The following ZC4H2 variants were observed in gnomAD, a reference collection of about 807,000 sequenced individuals.
ZC4H2 encodes zinc finger C4H2-type containing, also known as zinc finger C4H2 domain-containing protein.
For missense variants in ZC4H2, 137 were observed against 173.9 expected (o/e 0.79, Z 1.19); for synonymous variants, 84 against 66.3 (o/e 1.27, Z -1.30).
At chrX:64,957,814 A>C (rs1931215328) in intron 1 of ZC4H2, among the ~76,000 whole-genome samples, 2 of 110,959 alleles carry the variant, frequency 1.8e-5, no homozygotes, top group Admixed American at 1.9e-4. Context: ...ATGAGCCATG[A>C]TCATGCCCCT....
chrX:64,931,642 C>A (rs1929749001), intron 1 of ZC4H2, among the ~76,000 whole-genome samples: 1 of 111,394 alleles, frequency 9.0e-6, no homozygotes, highest in Non-Finnish European at 1.9e-5. Flanking sequence ...TACTTACTTT[C>A]CATGTATTTC....
chrX:64,939,996 A>T (rs1930194820), intron 1 of ZC4H2, among the ~76,000 whole-genome samples: 1 of 111,373 alleles, frequency 9.0e-6, no homozygotes, highest in South Asian at 3.8e-4. Flanking sequence ...GGAACAGGCA[A>T]CCTAAAGAAT....
chrX:64,968,662 T>C (rs1490613842), intron 1 of ZC4H2, among the ~76,000 whole-genome samples: 1 of 111,471 alleles, frequency 9.0e-6, no homozygotes, highest in Admixed American at 9.6e-5. Context: ...GCACAGCTAG[T>C]ATGACTCGTG....
At chrX:64,934,859 G>T (rs1358884383) in intron 1 of ZC4H2, among the ~76,000 whole-genome samples, 1 of 111,609 alleles carries the variant, frequency 9.0e-6, no homozygotes, top group African/African-American at 3.3e-5. Context: ...CCCCTTCGGT[G>T]CCTACACCAC....
At chrX:64,959,758 G>T (rs1377513110) in intron 1 of ZC4H2, among the ~76,000 whole-genome samples, 1 of 110,234 alleles carries the variant, frequency 9.1e-6, no homozygotes, top group Non-Finnish European at 1.9e-5. Flanking sequence ...GTTCACATGT[G>T]CTCAGATACT....
intron 1 of ZC4H2, among the ~76,000 whole-genome samples, chrX:64,931,481 G>A (rs1317786151): frequency 9.0e-6 from 1 of 111,363 alleles, no homozygotes; most frequent in East Asian, 2.8e-4. Context: ...TTTGATTGAT[G>A]CATTTAACAC....
At chrX:64,947,654 C>T (rs1461939458) in intron 1 of ZC4H2, among the ~76,000 whole-genome samples, 3 of 111,970 alleles carry the variant, frequency 2.7e-5, no homozygotes, top group Non-Finnish European at 5.6e-5. Flanking sequence ...TAATTTAATA[C>T]GTAGACAAGA....
At chrX:64,953,696 A>C (rs1302521868) in intron 1 of ZC4H2, among the ~76,000 whole-genome samples, 1 of 111,951 alleles carries the variant, frequency 8.9e-6, no homozygotes, top group Non-Finnish European at 1.9e-5. Flanking sequence ...GTGGAGAAAT[A>C]GGAACACTTT....
chrX:65,004,154 A>C (rs990029611), intron 1 of ZC4H2, among the ~76,000 whole-genome samples: 10 of 111,920 alleles, frequency 8.9e-5, no homozygotes, highest in Non-Finnish European at 1.5e-4. Flanking sequence ...CCAGAAGTAC[A>C]AAGAGGAGCT....
chrX:65,002,507 T>G (rs1301820033), intron 1 of ZC4H2, among the ~76,000 whole-genome samples: 18 of 108,019 alleles, frequency 1.7e-4, no homozygotes, highest in Non-Finnish European at 1.2e-4. Flanking sequence ...CGGCCGCCCC[T>G]TCTGGGAAGT....
chrX:64,934,654 T>C (rs1028864009), intron 1 of ZC4H2, among the ~76,000 whole-genome samples: 1 of 111,689 alleles, frequency 9.0e-6, no homozygotes, highest in African/African-American at 3.3e-5. Flanking sequence ...TTCATCTCAT[T>C]GGGACTGGTT....
At chrX:64,919,999 T>C (rs772937009) in intron 3 of ZC4H2, 82 bp downstream of exon 3, 29 of 1,048,405 alleles carry the variant, frequency 2.8e-5, no homozygotes, top group Non-Finnish European at 3.7e-5. Context: ...TATGTATACC[T>C]GCCCGTGTGT....
intron 1 of ZC4H2, among the ~76,000 whole-genome samples, chrX:64,967,295 A>G (rs143715196): frequency 0.018 from 2,047 of 111,685 alleles, 36 homozygotes; most frequent in Middle Eastern, 0.032. Context: ...TTAAATCTAA[A>G]TAAAAGGCCC....
intron 1 of ZC4H2, among the ~76,000 whole-genome samples, chrX:65,031,408 A>G (rs1932932341): frequency 9.0e-6 from 1 of 111,158 alleles, no homozygotes; most frequent in African/African-American, 3.3e-5. Flanking sequence ...TTCTTCTATG[A>G]CTTTATTTAT....
chrX:64,928,670 TTCTTCTTCTTC>T, intron 1 of ZC4H2, among the ~76,000 whole-genome samples: 1 of 97,855 alleles, frequency 1.0e-5, no homozygotes, highest in East Asian at 3.0e-4. Context: ...CTTCTTCTTC[TTCTTCTTCTTC>T]TTCCTCCTCC....
chrX:64,956,278 C>T (rs372794506), intron 1 of ZC4H2, among the ~76,000 whole-genome samples: 2 of 111,453 alleles, frequency 1.8e-5, no homozygotes, highest in South Asian at 3.8e-4. Context: ...TTAGCCCATT[C>T]TTTAATCTAT....
chrX:65,009,497 G>C (rs764701567), intron 1 of ZC4H2, among the ~76,000 whole-genome samples: 5 of 111,966 alleles, frequency 4.5e-5, no homozygotes, highest in Non-Finnish European at 7.5e-5. Flanking sequence ...TCTATCCTGT[G>C]CCAACTATCT....
intron 1 of ZC4H2, among the ~76,000 whole-genome samples, chrX:64,941,571 A>G (rs1930282508): frequency 8.9e-6 from 1 of 112,188 alleles, no homozygotes; most frequent in East Asian, 2.8e-4. Context: ...TGTTCCATCA[A>G]TACCTAGTTT....
chrX:64,922,915 A>G (rs1929273509), intron 1 of ZC4H2, among the ~76,000 whole-genome samples: 1 of 112,036 alleles, frequency 8.9e-6, no homozygotes, highest in African/African-American at 3.2e-5. Context: ...GGGTGTGTTT[A>G]TCAGTTCCAG....
Sources: allele counts gnomAD v4.1 joint callset (sites outside exome capture counted in the v4.1 genomes callset), GRCh38; gene constraint gnomAD v4.1.1; transcripts MANE v1.5; gene names NCBI Gene and HGNC (gene_info 2026-07-23, HGNC 2026-07-21).